CDH10: variants seen among roughly 807,000 people sequenced by gnomAD.
CDH10 encodes the protein cadherin 10, also known as cadherin-10.
Under a neutral mutation model 73.1 loss-of-function variants are expected in CDH10, and 30 were observed. The ratio of observed to expected loss-of-function variants is 0.41; its 90% CI spans 0.31 to 0.56. The LOEUF (loss-of-function observed/expected upper bound fraction) is 0.56. Among genes scored for constraint, CDH10 ranks in the 20% least tolerant of loss-of-function variants. CDH10 has a pLI of 0.27. For missense variants in CDH10, 815 were observed against 973.7 expected, an observed-to-expected ratio of 0.84 and a Z score of 2.17; for synonymous variants, 345 against 348.2, an observed-to-expected ratio of 0.99 and a Z score of 0.10.
At position 24,511,545 on chromosome 5, in the gene CDH10, CAGAGAGAGAGAGAGAGAG is replaced by C. The variant is rs55901211; in HGVS notation, c.815-49_815-32del. On this transcript the variant is annotated intron_variant, in intron 5 of 11. Transcript: ENST00000264463. The stretch of plus-strand genomic sequence containing the variant: ...AAGTATAAAGAAAAGAAGAGAGAGA[CAGAGAGAGAGAGAGAGAG>C]AGAGAGAGAGAGAGAGAGAGAGAGA... 3.2e-3 allele frequency: 1,825 copies of C among 576,212 alleles called. 2 individuals carry two copies. Among genetic ancestry groups the C allele is most frequent in the South Asian group, 0.01 (435 of 43,348 alleles). 35.7% of individuals were successfully genotyped at this position (576,212 alleles called of 1,614,324 possible). A position where few individuals can be genotyped will look rare whatever the true frequency, so the allele number is the denominator to read the frequency against.
At chr5:24,608,353 C>T (rs535731557) in intron 1 of CDH10, among the ~76,000 whole-genome samples, 19 of 152,054 alleles carry the variant, frequency 1.2e-4, no homozygotes, top group East Asian at 5.8e-4. Context: ...AGTGTAGTGG[C>T]GCGATCTTGG....
intron 2 of CDH10, among the ~76,000 whole-genome samples, chr5:24,579,163 G>T (rs1411211244): frequency 6.6e-6 from 1 of 151,690 alleles, no homozygotes; most frequent in African/African-American, 2.4e-5. Context: ...TGATTAAAAG[G>T]CAATTCCTTC....
intron 2 of CDH10, among the ~76,000 whole-genome samples, chr5:24,587,628 C>T (rs1050049247): frequency 2.6e-5 from 4 of 152,104 alleles, no homozygotes; most frequent in African/African-American, 9.7e-5. Flanking sequence ...TTCTCTTGAG[C>T]TTTTACTAAA....
At chr5:24,633,287 C>T (rs1747762128) in intron 1 of CDH10, among the ~76,000 whole-genome samples, 2 of 151,688 alleles carry the variant, frequency 1.3e-5, no homozygotes, top group Admixed American at 1.3e-4. Context: ...TCCTCTTCTG[C>T]AAGTACATTA....
At chr5:24,541,186 T>G (rs1300542335) in intron 2 of CDH10, among the ~76,000 whole-genome samples, 3 of 152,032 alleles carry the variant, frequency 2.0e-5, no homozygotes, top group African/African-American at 2.4e-5. Context: ...CTATTGATAT[T>G]GATGATTTCC....
rs1172371071 is a variant in CDH10, at chr5:24,604,886, A to AC, written c.-123-11274_-123-11273insG. ...AAGATGTCTCTAAAAAAAAAAAAAA[A>AC]AAAAAAAAACAAAAACAAACAAACA... On this transcript the variant is annotated intron_variant, in intron 1 of 11. Transcript: ENST00000264463. Among the ~76,000 whole-genome samples, 177 of 150,536 alleles carry AC rather than the reference A, an allele frequency of 1.2e-3. 1 individual carries two copies. The highest frequency in any genetic ancestry group is 5.2e-3 in the East Asian group (27 of 5,156).
In CDH10 at chr5:24,528,107, TGAG is replaced by T. The variant is rs1411667719; in HGVS notation, c.814+7002_814+7004del. Among the ~76,000 whole-genome samples the T allele has an allele frequency of 4.6e-5, 7 of 151,930 alleles. No individual in the cohort carries two copies. The East Asian group carries it at 1.4e-3, about 29-fold the overall frequency. ...CTTCAAACTATAGGCATTGGGAACA[TGAG>T]GGAAAATCTGACAGAAGTTGAGGAT... On this transcript the variant is annotated intron_variant, in intron 5 of 11. Coordinates refer to ENST00000264463, the MANE Select transcript of CDH10 (RefSeq NM_006727.5).
chr5:24,493,007 G>C, intron 9 of CDH10, 82 bp from the exon 10 acceptor site: 1 of 663,508 alleles, frequency 1.5e-6, no homozygotes, highest in Non-Finnish European at 2.7e-6. Context: ...CATTTTGTCT[G>C]AAGTTGTTCA....
intron 5 of CDH10, among the ~76,000 whole-genome samples, chr5:24,534,363 G>A (rs1160750169): frequency 6.6e-6 from 1 of 151,826 alleles, no homozygotes; most frequent in East Asian, 1.9e-4. Context: ...GGATCTTTTA[G>A]CAAAGCAAAA....
chr5:24,564,055 T>C (rs1235823170), intron 2 of CDH10, among the ~76,000 whole-genome samples: 1 of 152,200 alleles, frequency 6.6e-6, no homozygotes, highest in African/African-American at 2.4e-5. Context: ...GTGGACCACC[T>C]GTGAAATCAT....
At position 24,585,467 on chromosome 5, in the gene CDH10, G is replaced by A. The variant is rs1022511941; in HGVS notation, c.231+7793C>T. Among the ~76,000 whole-genome samples, 11 of 152,238 alleles carry A rather than the reference G, an allele frequency of 7.2e-5. No individual in the cohort carries two copies. In the South Asian group the frequency reaches 1.9e-3, roughly 26 times the overall value. Reference sequence around the variant, plus strand: ...AACGGAGTTTAGCTTTTGTTACCCAGGCTGGAGTGCAGTAGCGCAATCTCG... The same window carrying A: ...AACGGAGTTTAGCTTTTGTTACCCAAGCTGGAGTGCAGTAGCGCAATCTCG... On this transcript the variant is annotated intron_variant, in intron 2 of 11. Coordinates refer to ENST00000264463, the MANE Select transcript of CDH10 (RefSeq NM_006727.5).
chr5:24,588,607 A>G (rs905894400), intron 2 of CDH10, among the ~76,000 whole-genome samples: 3 of 151,976 alleles, frequency 2.0e-5, no homozygotes, highest in Admixed American at 6.6e-5. Flanking sequence ...CATTCCAGCT[A>G]CTCCTTCTCC....
At chr5:24,607,683 T>C (rs373165887) in intron 1 of CDH10, among the ~76,000 whole-genome samples, 2 of 152,182 alleles carry the variant, frequency 1.3e-5, no homozygotes, top group Non-Finnish European at 2.9e-5. Flanking sequence ...TCTGAAAAGG[T>C]CAAATTAATG....
intron 1 of CDH10, among the ~76,000 whole-genome samples, chr5:24,605,291 G>A (rs1295852769): frequency 2.6e-5 from 4 of 152,218 alleles, no homozygotes; most frequent in East Asian, 1.9e-4. Flanking sequence ...ACAGCAGGAG[G>A]TGAGGAGCCT....
chr5:24,585,855 G>C (rs1745976056), intron 2 of CDH10, among the ~76,000 whole-genome samples: 1 of 152,150 alleles, frequency 6.6e-6, no homozygotes, highest in African/African-American at 2.4e-5. Context: ...CGGAAGCCTA[G>C]TCCTCTCATG....
chr5:24,550,582 C>G (rs1214389339), intron 2 of CDH10, among the ~76,000 whole-genome samples: 1 of 152,094 alleles, frequency 6.6e-6, no homozygotes, highest in Non-Finnish European at 1.5e-5. Flanking sequence ...TTCTCCCTTT[C>G]TTAGATCTTT....
chr5:24,530,016 CTTTTTTTTT>C (rs34282847), intron 5 of CDH10, among the ~76,000 whole-genome samples: 1 of 121,846 alleles, frequency 8.2e-6, no homozygotes, highest in African/African-American at 3.1e-5. Flanking sequence ...TCTATTTTTA[CTTTTTTTTT>C]TTTTTTTTTT....
rs534873206 is a variant in CDH10, at chr5:24,543,214, T to C, written c.232-5540A>G. The stretch of plus-strand genomic sequence containing the variant: ...GGCACTTATATTGCTTATATTATTG[T>C]GAGATTATTTCTCATTCAGAATATT... On this transcript the variant is annotated intron_variant, in intron 2 of 11. Coordinates refer to ENST00000264463, the MANE Select transcript of CDH10 (RefSeq NM_006727.5). Among the ~76,000 whole-genome samples, 10 of 152,290 alleles carry C rather than the reference T, an allele frequency of 6.6e-5. No homozygotes were observed. In the South Asian group the frequency reaches 1.9e-3, roughly 28 times the overall value.
intron 1 of CDH10, among the ~76,000 whole-genome samples, chr5:24,619,804 C>A (rs531229170): frequency 3.5e-4 from 53 of 152,302 alleles, no homozygotes; most frequent in African/African-American, 1.1e-3. Flanking sequence ...CACTAGCTAA[C>A]TCCCACTACT....
Sources: allele counts gnomAD v4.1 joint callset (sites outside exome capture counted in the v4.1 genomes callset), GRCh38; gene constraint gnomAD v4.1.1; transcripts MANE v1.5; gene names NCBI Gene and HGNC (gene_info 2026-07-23, HGNC 2026-07-21).